PHLPP2: variants seen among roughly 807,000 people sequenced by gnomAD.
PHLPP2 encodes the protein PH domain leucine-rich repeat-containing protein phosphatase 2.
In PHLPP2, 66 loss-of-function variants were observed where a neutral mutation model predicts 124.9. The ratio of observed to expected loss-of-function variants is 0.53; its 90% confidence interval spans 0.43 to 0.65. The LOEUF (loss-of-function observed/expected upper bound fraction) is 0.65, where lower values mean the gene tolerates loss of function less well. PHLPP2 is among the 30% of genes least tolerant of loss of function. The pLI is 0.00. For missense variants in PHLPP2, 1,685 were observed against 1,600.4 expected (o/e 1.05, Z -0.90); for synonymous variants, 681 against 624.7 (o/e 1.09, Z -1.34).
At chr16:71,685,598 T>C (rs909621505) in intron 4 of PHLPP2, among the ~76,000 whole-genome samples, 7 of 152,376 alleles carry the variant, frequency 4.6e-5, no homozygotes, top group African/African-American at 1.4e-4. Context: ...CAATATTAAA[T>C]TGTGATACAA....
Position 71,648,604 on chromosome 16 carries a change from TA to T in PHLPP2, c.*285del, listed in dbSNP as rs11301738. 0.71 allele frequency: 210,732 copies of T among 295,914 alleles called. 66,802 individuals carry two copies. The highest frequency in any genetic ancestry group is 0.81 in the Admixed American group (16,914 of 20,844). 18.3% of individuals were successfully genotyped at this position (295,914 alleles called of 1,614,324 possible). On this transcript the variant is annotated 3_prime_UTR_variant, in exon 19 of 19. Coordinates refer to ENST00000568954, the MANE Select transcript of PHLPP2 (RefSeq NM_015020.3). Reference sequence around the variant, plus strand: ...GGCCAACATGGTGAAACCCCGTCTCTAAAAAAAAAAAATAAAACTTAGCCGG... The same window carrying T: ...GGCCAACATGGTGAAACCCCGTCTCTAAAAAAAAAAATAAAACTTAGCCGG...
At position 71,663,987 on chromosome 16, in the gene PHLPP2, T is replaced by C. The variant is rs1305246627; in HGVS notation, c.1897A>G (p.Thr633Ala). Reference sequence around the variant, plus strand: ...ACCAGGACAGGTATGCACTGATCCGTCAGGAGATTGTTGGTCAGATAAAGC... The same window carrying C: ...ACCAGGACAGGTATGCACTGATCCGCCAGGAGATTGTTGGTCAGATAAAGC... Reference protein sequence around the residue: ...QLLYLTNNLLTDQCIPVLVGH... With the variant: ...QLLYLTNNLLADQCIPVLVGH... Residue 633 changes from threonine (T) to alanine (A), a missense_variant, in exon 13 of 19, where the codon ACG becomes GCG. Transcript: ENST00000568954. The C allele has an allele frequency of 6.2e-7, 1 of 1,613,904 alleles. No homozygotes were observed. Among genetic ancestry groups the C allele is most frequent in the Non-Finnish European group, 8.5e-7 (1 of 1,179,870 alleles).
At position 71,705,920 on chromosome 16, in the gene PHLPP2, T is replaced by C. The variant is rs548690978; in HGVS notation, c.285-3189A>G. On this transcript the variant is annotated intron_variant, in intron 2 of 18. Coordinates refer to ENST00000568954, the MANE Select transcript of PHLPP2 (RefSeq NM_015020.3). ...ATGAAGGACTAATTCCATTTACTCA[T>C]TAAACTCTTCTGCTGAAAAAAGTAG... Among the ~76,000 whole-genome samples, 182 of 152,236 alleles carry C rather than the reference T, an allele frequency of 1.2e-3. 1 individual carries two copies. Among genetic ancestry groups the C allele is most frequent in the Non-Finnish European group, 5.4e-4 (37 of 68,042 alleles).
intron 1 of PHLPP2, among the ~76,000 whole-genome samples, chr16:71,716,921 C>T (rs999151488): frequency 2.6e-5 from 4 of 152,164 alleles, no homozygotes; most frequent in Non-Finnish European, 4.4e-5. Context: ...ACATCGATGA[C>T]AATGGGTTTT....
At chr16:71,710,754 C>T (rs1420321744) in intron 2 of PHLPP2, among the ~76,000 whole-genome samples, 1 of 152,174 alleles carries the variant, frequency 6.6e-6, no homozygotes, top group Non-Finnish European at 1.5e-5. Flanking sequence ...AATATTAATT[C>T]ATTTAATCTT....
At position 71,678,941 on chromosome 16, in the gene PHLPP2, G is replaced by A. The variant is rs1293154864; in HGVS notation, c.1082C>T (p.Pro361Leu). 1 of 1,612,732 alleles carries A rather than the reference G, an allele frequency of 6.2e-7. No homozygotes were observed. The highest frequency in any genetic ancestry group is 8.5e-7 in the Non-Finnish European group (1 of 1,178,984). Reference protein sequence around the residue: ...CLDGNFLTTLPEELGNLQQLS... With the variant: ...CLDGNFLTTLLEELGNLQQLS... ...CTGTTGTAGATTTCCCAATTCTTCAGGTAAAGTAGTCAGAAAGTTGCCATC... is the reference window on the plus strand; with the variant it reads ...CTGTTGTAGATTTCCCAATTCTTCAAGTAAAGTAGTCAGAAAGTTGCCATC... Residue 361 changes from proline (P) to leucine (L), a missense_variant, in exon 8 of 19, where the codon CCT becomes CTT. Physicochemically the swap from Pro to Leu is moderately conservative, Grantham distance 98. Transcript: ENST00000568954.
intron 15 of PHLPP2, among the ~76,000 whole-genome samples, 188 bp from the exon 16 acceptor site, chr16:71,656,869 C>A (rs1263809800): frequency 6.6e-6 from 1 of 151,958 alleles, no homozygotes; most frequent in Non-Finnish European, 1.5e-5. Flanking sequence ...CCTGCCTCAG[C>A]CTCCTAAGCA....
At chr16:71,702,108 T>A (rs1050432043) in intron 3 of PHLPP2, among the ~76,000 whole-genome samples, 2 of 152,168 alleles carry the variant, frequency 1.3e-5, no homozygotes, top group African/African-American at 2.4e-5. Flanking sequence ...AGATGGGTCG[T>A]GTTCCTCAAA....
chr16:71,648,680 GA>G lies in PHLPP2; in HGVS notation c.*209del. The G allele has an allele frequency of 7.4e-6, 4 of 541,434 alleles. No individual in the cohort carries two copies. The highest frequency in any genetic ancestry group is 1.3e-5 in the Non-Finnish European group (4 of 306,388). 33.5% of individuals were successfully genotyped at this position (541,434 alleles called of 1,614,324 possible). A position where few individuals can be genotyped will look rare whatever the true frequency, so the allele number is the denominator to read the frequency against. ...CCAGCTACTCGGGAGGCTGAGACAGGAGAATGGCTTGAACCCAGGGACAGAG... is the reference window on the plus strand; with the variant it reads ...CCAGCTACTCGGGAGGCTGAGACAGGGAATGGCTTGAACCCAGGGACAGAG... On this transcript the variant is annotated 3_prime_UTR_variant, in exon 19 of 19. Transcript: ENST00000568954.
chr16:71,648,637 T>C lies in PHLPP2; in HGVS notation c.*253A>G, dbSNP rs1383632771. 1.5e-4 allele frequency: 72 copies of C among 477,148 alleles called. No homozygotes were observed. Among genetic ancestry groups the C allele is most frequent in the Admixed American group, 3.6e-5 (1 of 27,862 alleles). The allele number at this position is 477,148 out of a possible 1,614,324, so 29.6% of individuals were successfully genotyped here. ...AAAAATAAAACTTAGCCGGGCATAA[T>C]GGCAGGTGCCTGTAATCCCAGCTAC... On this transcript the variant is annotated 3_prime_UTR_variant, in exon 19 of 19. Transcript: ENST00000568954.
chr16:71,679,928 A>G (rs1418404846), intron 6 of PHLPP2, among the ~76,000 whole-genome samples: 16 of 152,108 alleles, frequency 1.1e-4, no homozygotes, highest in Admixed American at 1.0e-3. Flanking sequence ...TAAAAAACAG[A>G]AAAAATTAGC....
chr16:71,692,358 C>T (rs1392998371), intron 3 of PHLPP2, among the ~76,000 whole-genome samples: 2 of 152,036 alleles, frequency 1.3e-5, no homozygotes, highest in East Asian at 3.8e-4. Context: ...TGTGAGCCAC[C>T]GCACCTGGCC....
In PHLPP2 at chr16:71,689,352, T is replaced by C. The variant is rs965631715; in HGVS notation, c.609+1167A>G. Among the ~76,000 whole-genome samples, 6 of 150,148 alleles carry C rather than the reference T, an allele frequency of 4.0e-5. 1 individual carries two copies. The highest frequency in any genetic ancestry group is 7.4e-5 in the Non-Finnish European group (5 of 67,694). On this transcript the variant is annotated intron_variant, in intron 4 of 18. Coordinates refer to ENST00000568954, the MANE Select transcript of PHLPP2 (RefSeq NM_015020.3). ...CCCACCTCAACCTCCCACCAAGCAG[T>C]TGACACTTCAGGCGCCACACCACTA...
chr16:71,706,477 A>C (rs996262679), intron 2 of PHLPP2, among the ~76,000 whole-genome samples: 1 of 152,200 alleles, frequency 6.6e-6, no homozygotes, highest in African/African-American at 2.4e-5. Flanking sequence ...GGAATCAAAG[A>C]CCCTAACAAA....
chr16:71,710,704 T>C (rs1340916043), intron 2 of PHLPP2, among the ~76,000 whole-genome samples: 1 of 152,250 alleles, frequency 6.6e-6, no homozygotes, highest in African/African-American at 2.4e-5. Context: ...AATCTGTACT[T>C]GAACAAGCCC....
chr16:71,654,204 G>GAAAAAAA (rs765826548), intron 17 of PHLPP2, among the ~76,000 whole-genome samples: 5 of 72,356 alleles, frequency 6.9e-5, no homozygotes, highest in Non-Finnish European at 1.0e-4. Flanking sequence ...TCTCAAAAAA[G>GAAAAAAA]AAAAAAAAAA....
chr16:71,701,964 T>C (rs1449831016), intron 3 of PHLPP2, among the ~76,000 whole-genome samples: 1 of 152,170 alleles, frequency 6.6e-6, no homozygotes, highest in Non-Finnish European at 1.5e-5. Context: ...ATTTCAGTCA[T>C]CCACTAAGGA....
rs1567612389 is a variant in PHLPP2 at position 71,655,412 on chromosome 16, T to C, written c.2413A>G (p.Met805Val). 1.9e-6 allele frequency: 3 copies of C among 1,613,352 alleles called. No homozygotes were observed. Among genetic ancestry groups the C allele is most frequent in the East Asian group, 2.2e-5 (1 of 44,862 alleles). The change falls in exon 17 of 19, where the codon ATG becomes GTG. Residue 805 changes from methionine (M) to valine (V), a missense_variant. Physicochemically the swap from Met to Val is conservative, Grantham distance 21. Transcript: ENST00000568954. ...RNKLCVSALA[M>V]DSFAEGVGAV... is the part of the protein sequence containing the mutation. ...CCCACCCCCTCTGCAAAGCTATCCATAGCAAGTGCTGAGACACACAGCCTA... is the reference window on the plus strand; with the variant it reads ...CCCACCCCCTCTGCAAAGCTATCCACAGCAAGTGCTGAGACACACAGCCTA...
At chr16:71,664,166 T>A in intron 12 of PHLPP2, 67 bp from the exon 13 acceptor site, 1 of 1,021,612 alleles carries the variant, frequency 9.8e-7, no homozygotes, top group Non-Finnish European at 1.6e-6. Flanking sequence ...ATAGAAACCA[T>A]CATGTCACCT....
Sources: gnomAD v4.1 joint callset for allele counts (sites outside exome capture counted in the v4.1 genomes callset) on GRCh38, gnomAD v4.1.1 for gene constraint, MANE v1.5 for transcripts, NCBI Gene and HGNC (gene_info 2026-07-23, HGNC 2026-07-21) for gene names.